P2RX4: variants seen among roughly 807,000 people sequenced by gnomAD.
P2RX4 encodes the protein purinergic receptor P2X 4.
A neutral mutation model predicts 48.0 loss-of-function variants in P2RX4; 37 were observed. That is an observed-to-expected ratio of 0.77 (90% confidence interval 0.59 to 1.01). P2RX4 has a LOEUF of 1.01. Among genes scored for constraint, P2RX4 ranks in the 50% least tolerant of loss-of-function variants. The pLI is 0.00. For synonymous variants in P2RX4, 200 were observed against 199.7 expected (o/e 1.00, Z -0.01); for missense variants, 501 against 521.4 (o/e 0.96, Z 0.38).
chr12:121,214,932 C>G (rs921311554), intron 1 of P2RX4: 1 of 152,084 alleles, frequency 6.6e-6, no homozygotes, highest in Non-Finnish European at 1.5e-5. Flanking sequence ...CTACAGGCAC[C>G]CACCACCACA....
In P2RX4 at chr12:121,228,873, G is replaced by A; in HGVS notation, c.747+7G>A. The stretch of plus-strand genomic sequence containing the variant: ...CCAGGACATGGCCGTGGAGGTGGGT[G>A]CGGGCCCTGGCTCTCCTGACCCAGC... On this transcript the variant is annotated splice_region_variant and intron_variant, in intron 7 of 11. Transcript: ENST00000337233. 1.2e-6 allele frequency: 2 copies of A among 1,614,150 alleles called. No individual in the cohort carries two copies. Among genetic ancestry groups the A allele is most frequent in the Non-Finnish European group, 1.7e-6 (2 of 1,180,034 alleles).
chr12:121,215,194 C>G (rs1886145297), intron 1 of P2RX4: 1 of 152,178 alleles, frequency 6.6e-6, no homozygotes, highest in Admixed American at 6.6e-5. Flanking sequence ...GGTGTCAGTA[C>G]TTGCTCTGTG....
At position 121,217,127 on chromosome 12, in the gene P2RX4, T is replaced by C. The variant is rs1190673168; in HGVS notation, c.135-7T>C. The C allele has an allele frequency of 3.7e-6, 6 of 1,613,878 alleles. No individual in the cohort carries two copies. The East Asian group carries it at 8.9e-5, about 24-fold the overall frequency. On this transcript the variant is annotated splice_polypyrimidine_tract_variant and splice_region_variant and intron_variant, in intron 1 of 11. Transcript: ENST00000337233. ...TGGCAATTTAAGAGGCCTGTTTTAT[T>C]TTATAGGTGGGTGTTTGTGTGGGAA...
chr12:121,217,177 G>A lies in P2RX4; in HGVS notation c.178G>A (p.Val60Met), dbSNP rs779703016. 1.9e-5 allele frequency: 30 copies of A among 1,614,032 alleles called. No individual in the cohort carries two copies. The highest frequency in any genetic ancestry group is 2.3e-5 in the Non-Finnish European group (27 of 1,179,980). ...AAAGGGCTACCAGGAAACTGACTCC[G>A]TGGTCAGCTCCGTTACGACCAAGGT... ...WEKGYQETDS[V>M]VSSVTTKVKG... Residue 60 changes from valine (V) to methionine (M), a missense_variant, in exon 2 of 12, where the codon GTG becomes ATG. Coordinates refer to ENST00000337233, the MANE Select transcript of P2RX4 (RefSeq NM_002560.3).
chr12:121,232,636 C>A lies in P2RX4; in HGVS notation c.1004C>A (p.Thr335Asn), dbSNP rs778582324. The change falls in exon 10 of 12, where the codon ACT becomes AAT. Residue 335 changes from threonine to asparagine, a missense_variant. Coordinates refer to ENST00000337233, the MANE Select transcript of P2RX4 (RefSeq NM_002560.3). The surrounding 1 kb of genome is among the most constrained non-coding windows in gnomAD (Gnocchi z 4.3). ...GKAGKFDIIP[T>N]MINIGSGLAL... Reference sequence around the variant, plus strand: ...GCAGGGAAATTTGACATCATCCCCACTATGATCAACATCGGCTCTGGCCTG... The same window carrying A: ...GCAGGGAAATTTGACATCATCCCCAATATGATCAACATCGGCTCTGGCCTG... The A allele has an allele frequency of 3.1e-6, 5 of 1,613,950 alleles. No individual in the cohort carries two copies. In the South Asian group the frequency reaches 5.5e-5, roughly 18 times the overall value.
At chr12:121,224,826 A>C (rs1183494306) in intron 5 of P2RX4, among the ~76,000 whole-genome samples, 1 of 151,538 alleles carries the variant, frequency 6.6e-6, no homozygotes, top group Non-Finnish European at 1.5e-5. Flanking sequence ...AAGCCACTGA[A>C]CCTCATCCTG....
At chr12:121,216,894 T>C in intron 1 of P2RX4, 3 of 701,352 alleles carry the variant, frequency 4.3e-6, no homozygotes, top group Admixed American at 4.0e-5. Context: ...GTGCCATCAG[T>C]GTGCTGAGTG....
Position 121,232,793 on chromosome 12 carries a change from C to A in P2RX4, c.1044+117C>A. 1.0e-6 allele frequency: 1 copy of A among 974,282 alleles called. No individual in the cohort carries two copies. The highest frequency in any genetic ancestry group is 1.3e-5 in the South Asian group (1 of 77,030). 60.4% of individuals were successfully genotyped at this position (974,282 alleles called of 1,614,324 possible). On this transcript the variant is annotated intron_variant, in intron 10 of 11. Coordinates refer to ENST00000337233, the MANE Select transcript of P2RX4 (RefSeq NM_002560.3). This position sits in a 1 kb window ranked among gnomAD's most constrained non-coding sequence, Gnocchi z 4.3. ...GTGTTTCTAAACTTGACCCTCCTAC[C>A]TTCTTTCCCTTGGCCCCCAGCCCTC...
rs541315733 is a variant in P2RX4 at position 121,232,454 on chromosome 12, C to T, written c.925C>T (p.Arg309Cys). Residue 309 changes from arginine to cysteine, a missense_variant, in exon 9 of 12, where the codon CGC (arginine) becomes TGC (cysteine). Arg to Cys is a radical substitution (Grantham distance 180). Transcript: ENST00000337233. This position sits in a 1 kb window ranked among gnomAD's most constrained non-coding sequence, Gnocchi z 4.3. The stretch of plus-strand genomic sequence containing the variant: ...CAGAGACCTGGCTGGCAACGAGCAG[C>T]GCACGCTCATCAAGGCCTATGGCAT... ...YYRDLAGNEQ[R>C]TLIKAYGIRF... The T allele has an allele frequency of 3.5e-5, 56 of 1,614,004 alleles. No individual in the cohort carries two copies. The highest frequency in any genetic ancestry group is 6.7e-5 in the African/African-American group (5 of 74,940).
chr12:121,231,658 AGAC>A (rs1319543301), intron 8 of P2RX4, among the ~76,000 whole-genome samples: 2 of 152,176 alleles, frequency 1.3e-5, no homozygotes, highest in Non-Finnish European at 2.9e-5. Context: ...CTGTGTTGAC[AGAC>A]GACGTTTTGT....
At chr12:121,217,711 A>G (rs192280932) in intron 2 of P2RX4, among the ~76,000 whole-genome samples, 318 of 149,646 alleles carry the variant, frequency 2.1e-3, no homozygotes, top group African/African-American at 7.4e-3. Flanking sequence ...AGATACCTTG[A>G]GCCCAGGAGT....
chr12:121,224,430 C>G (rs942535272), intron 5 of P2RX4, among the ~76,000 whole-genome samples: 17 of 151,954 alleles, frequency 1.1e-4, no homozygotes, highest in Non-Finnish European at 2.1e-4. Context: ...ATGGAGAAAC[C>G]CCGTCTCCAC....
rs371736519 is a variant in P2RX4 at position 121,232,233 on chromosome 12, G to A, written c.885-181G>A. The stretch of plus-strand genomic sequence containing the variant: ...TCTCCCTGTGCCCCTGTACCTCGTG[G>A]GCCCCGCATCCTCCTGCTTGCACAG... On this transcript the variant is annotated intron_variant, in intron 8 of 11. Coordinates refer to ENST00000337233, the MANE Select transcript of P2RX4 (RefSeq NM_002560.3). This position sits in a 1 kb window ranked among gnomAD's most constrained non-coding sequence, Gnocchi z 4.3. 12 of 606,564 alleles carry A rather than the reference G, an allele frequency of 2.0e-5. No homozygotes were observed. Among genetic ancestry groups the A allele is most frequent in the African/African-American group, 1.7e-4 (9 of 54,142 alleles). The allele number at this position is 606,564 out of a possible 1,614,324, so 37.6% of individuals were successfully genotyped here. A position where few individuals can be genotyped will look rare whatever the true frequency, so the allele number is the denominator to read the frequency against.
rs751720160 is a variant in P2RX4, at chr12:121,232,497, T to C, written c.968T>C (p.Val323Ala). The C allele has an allele frequency of 2.5e-6, 4 of 1,614,060 alleles. No homozygotes were observed. The highest frequency in any genetic ancestry group is 3.4e-6 in the Non-Finnish European group (4 of 1,179,896). Residue 323 changes from valine (V) to alanine (A), a missense_variant, in exon 9 of 12, where the codon GTG becomes GCG. Transcript: ENST00000337233. The surrounding 1 kb of genome is among the most constrained non-coding windows in gnomAD (Gnocchi z 4.3). ...TATGGCATCCGCTTCGACATCATTG[T>C]GTTTGGGAAGGTAGCTCGCCGCCAC... Reference protein sequence around the residue: ...KAYGIRFDIIVFGKAGKFDII... With the variant: ...KAYGIRFDIIAFGKAGKFDII...
Position 121,228,583 on chromosome 12 carries a change from A to G in P2RX4, c.575A>G (p.Asn192Ser). 1.9e-6 allele frequency: 3 copies of G among 1,613,802 alleles called. No homozygotes were observed. Among genetic ancestry groups the G allele is most frequent in the African/African-American group, 1.3e-5 (1 of 74,948 alleles). The change falls in exon 6 of 12, where the codon AAC becomes AGC. Residue 192 changes from asparagine (N) to serine (S), a missense_variant. Asn to Ser is a conservative substitution (Grantham distance 46, BLOSUM62 1). Transcript: ENST00000337233. The part of the protein sequence containing the change: ...AENFTLLVKN[N>S]IWYPKFNFSK... ...AACTTCACTCTTTTGGTTAAGAACA[A>G]CATCTGGTATCCCAAATTTAATTTC...
intron 8 of P2RX4, among the ~76,000 whole-genome samples, chr12:121,230,736 C>T (rs1033944042): frequency 6.6e-6 from 1 of 152,120 alleles, no homozygotes; most frequent in Non-Finnish European, 1.5e-5. Context: ...CAGGCCTGGC[C>T]CATGGCGTGG....
At chr12:121,223,941 C>T (rs1344617024) in intron 5 of P2RX4, among the ~76,000 whole-genome samples, 2 of 152,130 alleles carry the variant, frequency 1.3e-5, no homozygotes, top group African/African-American at 4.8e-5. Context: ...CTCTGCATCC[C>T]GCCGTGCCAG....
chr12:121,210,897 T>C (rs1392224894), intron 1 of P2RX4, among the ~76,000 whole-genome samples: 1 of 152,204 alleles, frequency 6.6e-6, no homozygotes, highest in African/African-American at 2.4e-5. Flanking sequence ...GCTCTCCACT[T>C]CCCATCCTGC....
chr12:121,220,743 C>T (rs1260010276), intron 2 of P2RX4, among the ~76,000 whole-genome samples: 1 of 152,170 alleles, frequency 6.6e-6, no homozygotes, highest in Non-Finnish European at 1.5e-5. Flanking sequence ...TAGTTCAAAA[C>T]ATTTCCATCA....
Sources: allele counts gnomAD v4.1 joint callset (sites outside exome capture counted in the v4.1 genomes callset), GRCh38; gene constraint gnomAD v4.1.1; non-coding constraint Gnocchi (gnomAD v3.1); transcripts MANE v1.5; gene names NCBI Gene and HGNC (gene_info 2026-07-23, HGNC 2026-07-21).